ARAP1: variants seen among roughly 807,000 people sequenced by gnomAD.
The protein encoded by ARAP1 is arf-GAP with Rho-GAP domain, ANK repeat and PH domain-containing protein 1.
In ARAP1, 76 loss-of-function variants were observed where a neutral mutation model predicts 172.2. The ratio of observed to expected loss-of-function variants is 0.44; its 90% CI spans 0.37 to 0.53. ARAP1 has a LOEUF of 0.53. ARAP1 is among the 20% of genes least tolerant of loss of function. The pLI, the probability that ARAP1 is intolerant of heterozygous loss-of-function variation, is 0.00. For synonymous variants in ARAP1, 804 were observed against 803.3 expected, an observed-to-expected ratio of 1.00 and a Z score of -0.01; for missense variants, 1,686 against 1,977.5, an observed-to-expected ratio of 0.85 and a Z score of 2.80.
intron 1 of ARAP1, among the ~76,000 whole-genome samples, chr11:72,737,975 A>T (rs1858082573): frequency 6.6e-6 from 1 of 152,156 alleles, no homozygotes; most frequent in Non-Finnish European, 1.5e-5. Flanking sequence ...CTCTATGTCA[A>T]TGTCATGGAA....
At chr11:72,739,910 C>A (rs1858150832) in intron 1 of ARAP1, among the ~76,000 whole-genome samples, 1 of 152,176 alleles carries the variant, frequency 6.6e-6, no homozygotes, top group South Asian at 2.1e-4. Flanking sequence ...GAGCTCCAGA[C>A]CAGACCTGAC....
intron 5 of ARAP1, 46 bp downstream of exon 5, chr11:72,713,130 C>G: frequency 1.9e-6 from 3 of 1,595,996 alleles, no homozygotes; most frequent in Non-Finnish European, 2.6e-6. Flanking sequence ...CAGCTGGGCA[C>G]CCCCACAACA....
At chr11:72,721,895 C>T (rs759693277) in intron 3 of ARAP1, 42 of 985,666 alleles carry the variant, frequency 4.3e-5, no homozygotes, top group South Asian at 4.7e-5. Context: ...CCCACAGCTC[C>T]GGCCAGGCGG....
intron 4 of ARAP1, among the ~76,000 whole-genome samples, chr11:72,713,483 G>A (rs886911104): frequency 1.3e-5 from 2 of 152,196 alleles, no homozygotes; most frequent in Non-Finnish European, 2.9e-5. Flanking sequence ...AGCCAGTGGT[G>A]AGCTTGGGGG....
rs956680810 is a variant in ARAP1, at chr11:72,687,506, C to A, written c.4122-4G>T. The A allele has an allele frequency of 3.1e-6, 5 of 1,614,046 alleles. No individual in the cohort carries two copies. The Admixed American group carries it at 5.0e-5, about 16-fold the overall frequency. ...CTGTGTGTCACAGCAGAGGTACCTG[C>A]AGGGTTGGACGCGGACCCACATGAT... On this transcript the variant is annotated splice_polypyrimidine_tract_variant and splice_region_variant and intron_variant, in intron 32 of 34. Transcript: ENST00000393609.
Position 72,695,243 on chromosome 11 carries a change from A to C in ARAP1, c.3576+144T>G. 7.5e-7 allele frequency: 1 copy of C among 1,341,412 alleles called. No homozygotes were observed. Among genetic ancestry groups the C allele is most frequent in the South Asian group, 1.3e-5 (1 of 78,984 alleles). The allele number at this position is 1,341,412 out of a possible 1,614,324, so 83.1% of individuals were successfully genotyped here. On this transcript the variant is annotated intron_variant, in intron 26 of 34. Coordinates refer to ENST00000393609, the MANE Select transcript of ARAP1 (RefSeq NM_001040118.3). The surrounding 1 kb of genome is among the most constrained non-coding windows in gnomAD (Gnocchi z 4.4). The stretch of plus-strand genomic sequence containing the variant: ...AGAGGGGTATTTCTGAGTGGTCCTT[A>C]GGAGCAGACCCCAGCACCAGCCAGA...
chr11:72,725,606 A>T lies in ARAP1; in HGVS notation c.509+1014T>A, dbSNP rs1328841562. On this transcript the variant is annotated intron_variant, in intron 3 of 34. Coordinates refer to ENST00000393609, the MANE Select transcript of ARAP1 (RefSeq NM_001040118.3). This position sits in a 1 kb window ranked among gnomAD's most constrained non-coding sequence, Gnocchi z 4.3. ...CCTCCCTGGGTGGAAAGAATCTCCC[A>T]GACCCTCCCCACAAGGCCCCCTGAG... Among the ~76,000 whole-genome samples the T allele has an allele frequency of 6.6e-6, 1 of 151,904 alleles. No individual in the cohort carries two copies. The highest frequency in any genetic ancestry group is 2.4e-5 in the African/African-American group (1 of 41,334).
chr11:72,702,077 C>T (rs979263578), intron 15 of ARAP1, among the ~76,000 whole-genome samples: 1 of 152,248 alleles, frequency 6.6e-6, no homozygotes, highest in Non-Finnish European at 1.5e-5. Flanking sequence ...AGGCATAGGC[C>T]AGGCACACTG....
At chr11:72,706,017 G>T in intron 12 of ARAP1, 127 bp from the exon 13 acceptor site, 1 of 819,912 alleles carries the variant, frequency 1.2e-6, no homozygotes, top group Non-Finnish European at 1.9e-6. Flanking sequence ...GGGTAGGCCT[G>T]CTGGCAGCTC....
intron 8 of ARAP1, 52 bp from the exon 9 acceptor site, chr11:72,711,193 C>A: frequency 1.2e-6 from 2 of 1,605,614 alleles, no homozygotes; most frequent in East Asian, 2.2e-5. Context: ...CGCTGACTCC[C>A]CCAGCCTCAG....
In ARAP1 at chr11:72,710,205, G is replaced by A. The variant is rs1410297935; in HGVS notation, c.1416+180C>T. 6.6e-6 allele frequency among the ~76,000 whole-genome samples: 1 copy of A among 152,030 alleles called. No homozygotes were observed. Among genetic ancestry groups the A allele is most frequent in the Non-Finnish European group, 1.5e-5 (1 of 67,976 alleles). On this transcript the variant is annotated intron_variant, in intron 10 of 34. Coordinates refer to ENST00000393609, the MANE Select transcript of ARAP1 (RefSeq NM_001040118.3). The surrounding 1 kb of genome is among the most constrained non-coding windows in gnomAD (Gnocchi z 4.3). ...CAAGGGCCAGGGCAGGGACTGGAGG[G>A]CAGTGCTCAGAGCCTGGGGGAAGTG...
intron 2 of ARAP1, among the ~76,000 whole-genome samples, chr11:72,730,681 C>T (rs530589792): frequency 2.0e-4 from 31 of 152,180 alleles, no homozygotes; most frequent in Non-Finnish European, 3.8e-4. Context: ...GCCTGGGGGA[C>T]ACTTTGTCCT....
At position 72,737,140 on chromosome 11, in the gene ARAP1, TG is replaced by T. The variant is rs1359678195; in HGVS notation, c.-127-4544del. Reference sequence around the variant, plus strand: ...GCTCTCTCTTTGGTTGCTTGTTTTGTGGGGGTCCACCTCCACCCAATCCCCC... The same window carrying T: ...GCTCTCTCTTTGGTTGCTTGTTTTGTGGGGTCCACCTCCACCCAATCCCCC... On this transcript the variant is annotated intron_variant, in intron 1 of 34. Coordinates refer to ENST00000393609, the MANE Select transcript of ARAP1 (RefSeq NM_001040118.3). Among the ~76,000 whole-genome samples, 6 of 152,300 alleles carry T rather than the reference TG, an allele frequency of 3.9e-5. No homozygotes were observed. In the East Asian group the frequency reaches 1.2e-3, roughly 29 times the overall value.
intron 14 of ARAP1, chr11:72,703,281 G>A: frequency 1.7e-6 from 1 of 584,044 alleles, no homozygotes; most frequent in East Asian, 3.2e-5. Flanking sequence ...GTGAGCAGGG[G>A]CTGCCTAGCA....
At chr11:72,689,760 T>C (rs894877779) in intron 30 of ARAP1, among the ~76,000 whole-genome samples, 1 of 152,180 alleles carries the variant, frequency 6.6e-6, no homozygotes, top group Non-Finnish European at 1.5e-5. Context: ...AACCTGATGA[T>C]GGCCATGTGC....
chr11:72,723,043 C>A (rs917685497), intron 3 of ARAP1, among the ~76,000 whole-genome samples: 1 of 152,170 alleles, frequency 6.6e-6, no homozygotes, highest in Admixed American at 6.5e-5. Flanking sequence ...TGCAGTGGCT[C>A]ACACCTGTAA....
chr11:72,740,260 G>A (rs1289866324), intron 1 of ARAP1, among the ~76,000 whole-genome samples: 2 of 152,076 alleles, frequency 1.3e-5, no homozygotes, highest in Admixed American at 1.3e-4. Flanking sequence ...CAACCTTCCT[G>A]CAGCAACCCT....
In ARAP1 at chr11:72,732,820, C is replaced by T. The variant is rs191618978; in HGVS notation, c.-127-223G>A. Among the ~76,000 whole-genome samples, 189 of 152,006 alleles carry T rather than the reference C, an allele frequency of 1.2e-3. 1 individual carries two copies. Among genetic ancestry groups the T allele is most frequent in the Non-Finnish European group, 2.1e-3 (144 of 67,946 alleles). On this transcript the variant is annotated intron_variant, in intron 1 of 34. Coordinates refer to ENST00000393609, the MANE Select transcript of ARAP1 (RefSeq NM_001040118.3). ...ACATAAGAAGACCCCATCTGTACAA[C>T]AAAAATACAAAAATTATCCAGGTGT... is the stretch of plus-strand genomic sequence containing the variant.
chr11:72,746,106 C>T (rs1386668434), intron 1 of ARAP1, among the ~76,000 whole-genome samples: 1 of 152,172 alleles, frequency 6.6e-6, no homozygotes, highest in African/African-American at 2.4e-5. Flanking sequence ...GCCCTGATGG[C>T]CAGCAGTGTG....
Sources: gnomAD v4.1 joint callset for allele counts (sites outside exome capture counted in the v4.1 genomes callset) on GRCh38, gnomAD v4.1.1 for gene constraint, Gnocchi (gnomAD v3.1) non-coding constraint, MANE v1.5 for transcripts, NCBI Gene and HGNC (gene_info 2026-07-23, HGNC 2026-07-21) for gene names.